PRKCE: variants seen among roughly 807,000 people sequenced by gnomAD.
PRKCE encodes the protein protein kinase C epsilon type.
A neutral mutation model predicts 85.4 loss-of-function variants in PRKCE; 16 were observed. The observed-to-expected ratio is 0.19, with a 90% confidence interval of 0.13 to 0.28. The LOEUF is 0.28. Ranked by LOEUF, PRKCE falls within the 10% of genes least tolerant of loss-of-function variation. The probability of loss-of-function intolerance (pLI) is 1.00; values close to 1 mark genes in which losing one functional copy is unlikely to be tolerated. For synonymous variants in PRKCE, 388 were observed against 371.5 expected (o/e 1.04, Z -0.51); for missense variants, 573 against 975.2 (o/e 0.59, Z 5.49).
At chr2:46,092,504 A>G (rs1179365080) in intron 11 of PRKCE, among the ~76,000 whole-genome samples, 1 of 152,208 alleles carries the variant, frequency 6.6e-6, no homozygotes, top group African/African-American at 2.4e-5. Flanking sequence ...CTCAGGAGGT[A>G]CTTAGAAAGG....
intron 1 of PRKCE, among the ~76,000 whole-genome samples, chr2:45,831,055 A>C (rs1169161172): frequency 6.6e-6 from 1 of 152,194 alleles, no homozygotes; most frequent in Non-Finnish European, 1.5e-5. Context: ...ATCAGGGAGA[A>C]TAGGACAGTG....
chr2:45,656,303 C>A (rs987455311), intron 1 of PRKCE, among the ~76,000 whole-genome samples: 1 of 152,262 alleles, frequency 6.6e-6, no homozygotes, highest in African/African-American at 2.4e-5. Flanking sequence ...ATTCCAAGTG[C>A]CTCTGAACAT....
Position 45,908,438 on chromosome 2 carries a change from C to G in PRKCE, c.412+65375C>G, listed in dbSNP as rs1697144231. ...GTAAGTGTGACTGGAAGCGACTGCT[C>G]CACTCTCTCTCGCCCATTGGACAAA... On this transcript the variant is annotated intron_variant, in intron 2 of 14. Transcript: ENST00000306156. Among the ~76,000 whole-genome samples, 3 of 152,136 alleles carry G rather than the reference C, an allele frequency of 2.0e-5. No homozygotes were observed. In the South Asian group the frequency reaches 6.2e-4, roughly 32 times the overall value.
intron 2 of PRKCE, among the ~76,000 whole-genome samples, chr2:45,908,515 G>T (rs1357747045): frequency 6.6e-6 from 1 of 152,246 alleles, no homozygotes; most frequent in Non-Finnish European, 1.5e-5. Flanking sequence ...TTCTGACTCA[G>T]TGGGTGACCA....
intron 12 of PRKCE, among the ~76,000 whole-genome samples, chr2:46,146,293 A>G (rs1011374406): frequency 2.0e-5 from 3 of 152,258 alleles, no homozygotes; most frequent in Admixed American, 6.5e-5. Context: ...CCCACTAAAC[A>G]TCGCCCATGG....
intron 10 of PRKCE, among the ~76,000 whole-genome samples, chr2:46,036,364 G>A (rs1707858530): frequency 6.6e-6 from 1 of 152,076 alleles, no homozygotes; most frequent in South Asian, 2.1e-4. Context: ...ATTGCATGAG[G>A]CCAGGAGTTC....
chr2:45,741,714 A>G (rs1296940868), intron 1 of PRKCE, among the ~76,000 whole-genome samples: 1 of 150,212 alleles, frequency 6.7e-6, no homozygotes, highest in East Asian at 1.9e-4. Context: ...TTGGAAGGGA[A>G]GGTTCAAGGG....
intron 2 of PRKCE, among the ~76,000 whole-genome samples, chr2:45,913,738 C>T (rs1433071118): frequency 2.0e-5 from 3 of 152,192 alleles, no homozygotes; most frequent in African/African-American, 7.2e-5. Context: ...TCCAAGGCTG[C>T]TGGGAATATA....
intron 1 of PRKCE, among the ~76,000 whole-genome samples, chr2:45,659,408 G>A (rs1183156684): frequency 6.6e-6 from 1 of 152,246 alleles, no homozygotes; most frequent in Middle Eastern, 3.4e-3. Context: ...GACCTCACTT[G>A]GGTCCAAGTC....
Position 46,004,918 on chromosome 2 carries a change from C to T in PRKCE, c.1063+280C>T, listed in dbSNP as rs1278152371. Among the ~76,000 whole-genome samples the T allele has an allele frequency of 2.6e-5, 4 of 152,166 alleles. No homozygotes were observed. The highest frequency in any genetic ancestry group is 2.1e-4 in the South Asian group (1 of 4,824). ...TGTTATGGTTATCTGTTTTCCCTTGCCTCTGTCCCTGGTTCCAAGTGTACT... is the reference window on the plus strand; with the variant it reads ...TGTTATGGTTATCTGTTTTCCCTTGTCTCTGTCCCTGGTTCCAAGTGTACT... On this transcript the variant is annotated intron_variant, in intron 8 of 14. Coordinates refer to ENST00000306156, the MANE Select transcript of PRKCE (RefSeq NM_005400.3). The surrounding 1 kb of genome is among the most constrained non-coding windows in gnomAD (Gnocchi z 4.1).
chr2:45,735,588 C>T (rs975671715), intron 1 of PRKCE, among the ~76,000 whole-genome samples: 2 of 152,220 alleles, frequency 1.3e-5, no homozygotes, highest in Non-Finnish European at 1.5e-5. Context: ...GTGCCTGGCA[C>T]AGGCCTGTGT....
intron 10 of PRKCE, chr2:46,010,903 G>A: frequency 1.4e-6 from 2 of 1,473,572 alleles, no homozygotes; most frequent in Non-Finnish European, 1.8e-6. Context: ...AAAGAGTAAA[G>A]GCCACCTTAA....
chr2:45,824,380 C>T (rs1164094687), intron 1 of PRKCE, among the ~76,000 whole-genome samples: 9 of 152,180 alleles, frequency 5.9e-5, no homozygotes, highest in African/African-American at 2.2e-4. Flanking sequence ...AGCACCACCA[C>T]CTGCTATATC....
chr2:46,028,022 G>A (rs7584425), intron 10 of PRKCE, among the ~76,000 whole-genome samples: 101,609 of 151,442 alleles, frequency 0.67, 36,346 homozygotes, highest in African/African-American at 0.92. Flanking sequence ...GCTCACTGCA[G>A]CCTCCGCCTC....
intron 11 of PRKCE, among the ~76,000 whole-genome samples, chr2:46,099,720 A>T (rs1671032853): frequency 6.6e-6 from 1 of 152,206 alleles, no homozygotes; most frequent in Non-Finnish European, 1.5e-5. Flanking sequence ...ATGTATAGTT[A>T]TACCCAGTGG....
Position 46,159,425 on chromosome 2 carries a change from G to A in PRKCE, c.1921-181G>A, listed in dbSNP as rs1049415614. ...GTACCATGTCTAGAATGGTGTCTGG[G>A]ACATAGTCAATTCTATGTAAGAGTT... On this transcript the variant is annotated intron_variant, in intron 13 of 14. Transcript: ENST00000306156. The surrounding 1 kb of genome is among the most constrained non-coding windows in gnomAD (Gnocchi z 4.1). 3.3e-5 allele frequency among the ~76,000 whole-genome samples: 5 copies of A among 152,206 alleles called. No individual in the cohort carries two copies. The highest frequency in any genetic ancestry group is 9.7e-5 in the African/African-American group (4 of 41,442).
intron 2 of PRKCE, among the ~76,000 whole-genome samples, chr2:45,945,741 T>TC (rs1464802037): frequency 6.6e-6 from 1 of 152,214 alleles, no homozygotes. Context: ...ATAACTGTGC[T>TC]CCACTGGTGG....
intron 1 of PRKCE, among the ~76,000 whole-genome samples, chr2:45,761,448 G>A (rs753611319): frequency 2.6e-5 from 4 of 151,820 alleles, no homozygotes; most frequent in Admixed American, 6.6e-5. Flanking sequence ...TGTCCCAAGC[G>A]CTTTACCTAC....
intron 1 of PRKCE, among the ~76,000 whole-genome samples, chr2:45,760,326 G>T (rs182598617): frequency 6.6e-6 from 1 of 152,188 alleles, no homozygotes; most frequent in African/African-American, 2.4e-5. Context: ...CACTGGATTT[G>T]GTTTTGCACT....
Sources: gnomAD v4.1 joint callset for allele counts (sites outside exome capture counted in the v4.1 genomes callset) on GRCh38, gnomAD v4.1.1 for gene constraint, Gnocchi (gnomAD v3.1) non-coding constraint, MANE v1.5 for transcripts, NCBI Gene and HGNC (gene_info 2026-07-23, HGNC 2026-07-21) for gene names.